The following SYNE1 variants were observed in gnomAD, a reference collection of about 807,000 sequenced individuals.
SYNE1 encodes spectrin repeat containing nuclear envelope protein 1.
SYNE1 carries 616 observed loss-of-function variants against 1,111.0 expected under a neutral mutation model. The observed-to-expected ratio is 0.55, with a 90% CI of 0.52 to 0.59. The LOEUF (loss-of-function observed/expected upper bound fraction) is 0.59. SYNE1 is among the 20% of genes least tolerant of loss of function. SYNE1 has a pLI of 0.00. For synonymous variants in SYNE1, 3,855 were observed against 3,825.8 expected (o/e 1.01, Z -0.28); for missense variants, 10,006 against 10,417.0 (o/e 0.96, Z 1.72).
At chr6:152,569,833 T>C (rs930614186) in intron 3 of SYNE1, among the ~76,000 whole-genome samples, 1 of 152,196 alleles carries the variant, frequency 6.6e-6, no homozygotes, top group South Asian at 2.1e-4. Context: ...ATGGTAAAGA[T>C]ATGTTTGTTT....
Position 152,387,277 on chromosome 6 carries a change from T to C in SYNE1, c.8282A>G (p.Gln2761Arg), listed in dbSNP as rs1313975629. The C allele has an allele frequency of 1.2e-6, 2 of 1,614,072 alleles. No homozygotes were observed. The highest frequency in any genetic ancestry group is 1.7e-6 in the Non-Finnish European group (2 of 1,180,034). ...CTTCTCTTTCAGACCTGGCTGTGGT[T>C]GTAAGGGATGTTCTATTTTTTGATC... ...SVDQKIEHPLQPQPGLKEKFV... is the reference protein window; with the variant it reads ...SVDQKIEHPLRPQPGLKEKFV... Residue 2761 changes from glutamine to arginine, a missense_variant, in exon 54 of 146, where the codon CAA (glutamine) becomes CGA (arginine). Physicochemically the swap from Gln to Arg is conservative, Grantham distance 43. Coordinates refer to ENST00000367255, the MANE Select transcript of SYNE1 (RefSeq NM_182961.4).
At chr6:152,143,957 T>G in intron 137 of SYNE1, 192 bp from the exon 138 acceptor site, 1 of 731,080 alleles carries the variant, frequency 1.4e-6, no homozygotes, top group Non-Finnish European at 2.3e-6. Context: ...CCAATGAAGG[T>G]GCTTGACTGA....
In SYNE1 at chr6:152,122,513, T is replaced by C; in HGVS notation, c.26317A>G (p.Ser8773Gly). The C allele has an allele frequency of 6.2e-7, 1 of 1,614,196 alleles. No individual in the cohort carries two copies. Among genetic ancestry groups the C allele is most frequent in the African/African-American group, 1.3e-5 (1 of 75,048 alleles). ...CLVPMSEEDY[S>G]CALSNNFARS... ...GCAAAGTTGTTGGAGAGGGCACAGC[T>C]GTAGTCTTCCTCTGACATTGGTACA... The change falls in exon 146 of 146, where the codon AGC (serine) becomes GGC (glycine). Residue 8773 changes from serine (S) to glycine (G), a missense_variant. Physicochemically the swap from Ser to Gly is moderately conservative, Grantham distance 56. Transcript: ENST00000367255.
Position 152,354,581 on chromosome 6 carries a change from T to C in SYNE1, c.10926+78A>G. On this transcript the variant is annotated intron_variant, in intron 67 of 145. Transcript: ENST00000367255. ...CAAAGCCTAAGCTTTGGATAAAAGT[T>C]ACTAAATATCTTAATGAAACAAACT... The C allele has an allele frequency of 1.9e-6, 3 of 1,567,028 alleles. No individual in the cohort carries two copies. The South Asian group carries it at 3.3e-5, about 17-fold the overall frequency.
chr6:152,151,109 C>T (rs1388603831), intron 135 of SYNE1, among the ~76,000 whole-genome samples: 3 of 152,008 alleles, frequency 2.0e-5, no homozygotes, highest in Non-Finnish European at 4.4e-5. Context: ...GTAATCTCAG[C>T]TCCTTGGCAG....
intron 3 of SYNE1, among the ~76,000 whole-genome samples, chr6:152,566,222 T>C (rs1183661538): frequency 2.0e-5 from 3 of 151,882 alleles, no homozygotes; most frequent in African/African-American, 7.3e-5. Flanking sequence ...CCCACTGAGA[T>C]AAGAGTGAAG....
At chr6:152,264,676 G>A (rs931398114) in intron 100 of SYNE1, among the ~76,000 whole-genome samples, 3 of 151,900 alleles carry the variant, frequency 2.0e-5, no homozygotes, top group African/African-American at 4.8e-5. Context: ...GGTACATGCC[G>A]GTAGTCCCAG....
intron 2 of SYNE1, among the ~76,000 whole-genome samples, chr6:152,635,709 A>G (rs1483585888): frequency 1.3e-5 from 2 of 152,264 alleles, no homozygotes; most frequent in Admixed American, 1.3e-4. Context: ...ATTAAAGAAG[A>G]GAAAAATAAT....
chr6:152,462,228 T>A (rs2098738172), intron 20 of SYNE1, among the ~76,000 whole-genome samples: 1 of 152,020 alleles, frequency 6.6e-6, no homozygotes, highest in Admixed American at 6.6e-5. Flanking sequence ...TATACATCAT[T>A]AAGTTTTTTT....
chr6:152,565,190 C>T (rs1388051562), intron 3 of SYNE1, among the ~76,000 whole-genome samples: 3 of 152,134 alleles, frequency 2.0e-5, no homozygotes, highest in Admixed American at 1.3e-4. Context: ...TTTGCCTCCA[C>T]TAGCTTCAAC....
intron 93 of SYNE1, among the ~76,000 whole-genome samples, chr6:152,299,991 CT>C (rs35372521): frequency 6.6e-6 from 1 of 152,172 alleles, no homozygotes; most frequent in East Asian, 1.9e-4. Context: ...GACATAAAAG[CT>C]TTTTGACATT....
rs1457837846 is a variant in SYNE1 at position 152,462,843 on chromosome 6, G to A, written c.2145C>T (p.Asp715=). 2 of 1,613,864 alleles carry A rather than the reference G, an allele frequency of 1.2e-6. No homozygotes were observed. The highest frequency in any genetic ancestry group is 2.2e-5 in the East Asian group (1 of 44,870). Residue 715 remains aspartate (D), a synonymous_variant, in exon 20 of 146, where the codon GAC becomes GAT. Transcript: ENST00000367255. The part of the protein sequence containing the change: ...EMDRMKKEYT[D]CVVTLSAFAT... Reference sequence around the variant, plus strand: ...CAAAAGCAGACAGGGTAACAACACAGTCTGTGTATTCCTTCTTCATTCTGT... The same window carrying A: ...CAAAAGCAGACAGGGTAACAACACAATCTGTGTATTCCTTCTTCATTCTGT...
intron 13 of SYNE1, 120 bp downstream of exon 13, chr6:152,484,715 T>C (rs2098930369): frequency 9.2e-7 from 1 of 1,082,624 alleles, no homozygotes; most frequent in African/African-American, 1.6e-5. Context: ...AGTTAAGTCT[T>C]TCTAGCCTCA....
In SYNE1 at chr6:152,430,621, C is replaced by A; in HGVS notation, c.4550G>T (p.Gly1517Val). ...AQSFAQFVTTGESARIKAKLT... is the reference protein window; with the variant it reads ...AQSFAQFVTTVESARIKAKLT... Reference sequence around the variant, plus strand: ...CTTGGCTTTAATTCGAGCAGATTCTCCAGTGGTAACAAACTGAGCAAAAGA... The same window carrying A: ...CTTGGCTTTAATTCGAGCAGATTCTACAGTGGTAACAAACTGAGCAAAAGA... The change falls in exon 35 of 146, where the codon GGA becomes GTA. Residue 1517 changes from glycine (G) to valine (V), a missense_variant. Coordinates refer to ENST00000367255, the MANE Select transcript of SYNE1 (RefSeq NM_182961.4). 1 of 1,614,122 alleles carries A rather than the reference C, an allele frequency of 6.2e-7. No individual in the cohort carries two copies.
At chr6:152,482,990 T>A in intron 14 of SYNE1, 95 bp downstream of exon 14, 1 of 1,365,874 alleles carries the variant, frequency 7.3e-7, no homozygotes, top group East Asian at 2.3e-5. Context: ...AATTAATATT[T>A]GGGGCGTCCC....
chr6:152,320,604 C>G (rs1237128704), intron 84 of SYNE1, among the ~76,000 whole-genome samples: 2 of 152,116 alleles, frequency 1.3e-5, no homozygotes, highest in African/African-American at 4.8e-5. Flanking sequence ...AGACCAGAGA[C>G]AGAAATCTCA....
chr6:152,632,781 T>G (rs1236881347), intron 2 of SYNE1, among the ~76,000 whole-genome samples: 1 of 152,238 alleles, frequency 6.6e-6, no homozygotes, highest in African/African-American at 2.4e-5. Context: ...TTATCCTGCT[T>G]AAATTAATTT....
intron 3 of SYNE1, among the ~76,000 whole-genome samples, chr6:152,582,647 G>A (rs1582900174): frequency 6.6e-6 from 1 of 151,850 alleles, no homozygotes; most frequent in Non-Finnish European, 1.5e-5. Flanking sequence ...AGAATATAAG[G>A]TACTGGTGGA....
chr6:152,562,333 C>T (rs2099397675), intron 3 of SYNE1, among the ~76,000 whole-genome samples: 1 of 152,090 alleles, frequency 6.6e-6, no homozygotes, highest in Non-Finnish European at 1.5e-5. Context: ...AAAGCAAGTT[C>T]AAACAACCAT....
Sources: gnomAD v4.1 joint callset for allele counts (sites outside exome capture counted in the v4.1 genomes callset) on GRCh38, gnomAD v4.1.1 for gene constraint, MANE v1.5 for transcripts, NCBI Gene and HGNC (gene_info 2026-07-23, HGNC 2026-07-21) for gene names.